The following MADD variants were observed in gnomAD, a reference collection of about 807,000 sequenced individuals.
MADD encodes MAP kinase-activating death domain protein.
In MADD, 109 loss-of-function variants were observed where a neutral mutation model predicts 176.7. That is an observed-to-expected ratio of 0.62 (90% CI 0.53 to 0.72). MADD has a LOEUF of 0.72. Ranked by LOEUF, MADD falls within the 30% of genes least tolerant of loss-of-function variation. The pLI, the probability that MADD is intolerant of heterozygous loss-of-function variation, is 0.00. For synonymous variants in MADD, 771 were observed against 771.3 expected, an observed-to-expected ratio of 1.00 and a Z score of 0.01; for missense variants, 1,914 against 2,045.5, an observed-to-expected ratio of 0.94 and a Z score of 1.24.
chr11:47,281,850 C>CATTTTTTTTT, intron 8 of MADD, 97 bp downstream of exon 8: 1 of 328,342 alleles, frequency 3.0e-6, no homozygotes, highest in Non-Finnish European at 4.6e-6. Flanking sequence ...ACCAGGGTTC[C>CATTTTTTTTT]TTTTTTTTTT....
At chr11:47,276,236 A>G (rs1324275813) in intron 4 of MADD, 34 bp downstream of exon 4, 4 of 1,551,660 alleles carry the variant, frequency 2.6e-6, no homozygotes, top group Non-Finnish European at 3.5e-6. Flanking sequence ...TTTCTAGGGG[A>G]GAAACTCTTA....
At position 47,284,920 on chromosome 11, in the gene MADD, T is replaced by C. The variant is rs770042514; in HGVS notation, c.2158-21T>C. 5 of 1,612,542 alleles carry C rather than the reference T, an allele frequency of 3.1e-6. No homozygotes were observed. The African/African-American group carries it at 6.7e-5, about 22-fold the overall frequency. ...ACCATTGGGCACCAGGTAACCACTT[T>C]TAATTTCATGCGGCCTTTAGGAACC... On this transcript the variant is annotated intron_variant, in intron 12 of 32. Coordinates refer to ENST00000402192, the Ensembl canonical transcript of MADD.
exon 4 of MADD, chr11:47,276,181 C>T (rs1211861887): frequency 6.2e-7 from 1 of 1,611,324 alleles, no homozygotes; most frequent in South Asian, 1.1e-5. Flanking sequence ...AGGTGCTAAC[C>T]TGCATTCTGT....
chr11:47,274,948 A>G, exon 3 of MADD: 1 of 1,614,004 alleles, frequency 6.2e-7, no homozygotes, highest in Non-Finnish European at 8.5e-7. Flanking sequence ...TGCTGACTCT[A>G]CCCCTGATGT....
chr11:47,327,594 C>T (rs963370885), intron 31 of MADD: 1 of 985,390 alleles, frequency 1.0e-6, no homozygotes, highest in Non-Finnish European at 1.2e-6. Flanking sequence ...TTGCCTCCCC[C>T]TTCTCACCGG....
In MADD at chr11:47,319,132, A is replaced by AT. The variant is rs1184555759; in HGVS notation, c.4197+3821dup. On this transcript the variant is annotated intron_variant, in intron 27 of 32. Coordinates refer to ENST00000402192, the Ensembl canonical transcript of MADD. ...CAAGGAAAATATATATATATATATA[A>AT]TTTTTTTTTTTTTTTTGGAGGTGGA... Among the ~76,000 whole-genome samples, 173 of 114,524 alleles carry AT rather than the reference A, an allele frequency of 1.5e-3. 2 individuals are homozygous for AT. The highest frequency in any genetic ancestry group is 8.6e-3 in the East Asian group (34 of 3,944). 75.1% of individuals were successfully genotyped at this position (114,524 alleles called of 152,430 possible).
chr11:47,274,905 C>T, exon 3 of MADD: 1 of 1,613,788 alleles, frequency 6.2e-7, no homozygotes, highest in Non-Finnish European at 8.5e-7. Flanking sequence ...GCACTGAGAG[C>T]TCAGAGAGTG....
At chr11:47,327,290 G>A in intron 31 of MADD, 1 of 990,856 alleles carries the variant, frequency 1.0e-6, no homozygotes, top group South Asian at 4.6e-5. Flanking sequence ...GAGGGACAGA[G>A]GAGTCTAGCG....
chr11:47,280,547 TAATTA>T (rs1226852549), intron 7 of MADD, among the ~76,000 whole-genome samples: 1 of 151,386 alleles, frequency 6.6e-6, no homozygotes, highest in African/African-American at 2.4e-5. Flanking sequence ...GAATTATATT[TAATTA>T]AATTAATTAA....
intron 10 of MADD, among the ~76,000 whole-genome samples, 175 bp from the exon 11 acceptor site, chr11:47,284,003 G>C (rs769667611): frequency 6.6e-6 from 1 of 152,240 alleles, no homozygotes; most frequent in Non-Finnish European, 1.5e-5. Context: ...CCACTGTCCC[G>C]GCCCCCATAT....
At chr11:47,286,390 C>A in intron 14 of MADD, 43 bp from the exon 15 acceptor site, 1 of 1,320,008 alleles carries the variant, frequency 7.6e-7, no homozygotes, top group Non-Finnish European at 1.1e-6. Flanking sequence ...GCTTTGATTA[C>A]TTACTCTGCC....
At chr11:47,292,927 G>A (rs1954811296) in intron 19 of MADD, among the ~76,000 whole-genome samples, 2 of 152,184 alleles carry the variant, frequency 1.3e-5, no homozygotes, top group South Asian at 4.1e-4. Context: ...TAGAAGGCCT[G>A]TGGGCACAGT....
rs1278047887 is a variant in MADD at position 47,309,045 on chromosome 11, A to T, written c.3752-236A>T. Reference sequence around the variant, plus strand: ...AGCTATGGAGACCTTTTCTATAAGTAACCACATTTATTTGTGTGCTGTGTT... The same window carrying T: ...AGCTATGGAGACCTTTTCTATAAGTTACCACATTTATTTGTGTGCTGTGTT... On this transcript the variant is annotated intron_variant, in intron 23 of 32. Coordinates refer to ENST00000402192, the Ensembl canonical transcript of MADD. 6.2e-7 allele frequency: 1 copy of T among 1,614,062 alleles called. No homozygotes were observed. Among genetic ancestry groups the T allele is most frequent in the East Asian group, 2.2e-5 (1 of 44,876 alleles).
rs2070615677 is a variant in MADD, at chr11:47,295,512, C to G, written c.3419C>G (p.Ser1140Cys). ...TTGTTTCAGAGGACTGATCAAGACT[C>G]TGTCATCGGCGTGAGTCCAGCTGTT... is the stretch of plus-strand genomic sequence containing the variant. Residue 1140 changes from serine (S) to cysteine (C), a missense_variant, in exon 21 of 33, where the codon TCT becomes TGT. Ser to Cys is a moderately radical substitution (Grantham distance 112). This residue lies in a region of MADD where 1,767 missense variants were observed against 1,836.0 expected (regional missense o/e 0.96). Transcript: ENST00000402192. 3 of 1,614,062 alleles carry G rather than the reference C, an allele frequency of 1.9e-6. No homozygotes were observed. The highest frequency in any genetic ancestry group is 2.2e-5 in the South Asian group (2 of 91,064).
exon 13 of MADD, chr11:47,284,957 C>T (rs567632767): frequency 2.4e-5 from 38 of 1,613,754 alleles, no homozygotes; most frequent in Admixed American, 8.3e-5. Flanking sequence ...GCTGACTCTA[C>T]GGAGATGGAT....
At chr11:47,299,849 G>A (rs2076272408) in intron 22 of MADD, among the ~76,000 whole-genome samples, 1 of 152,078 alleles carries the variant, frequency 6.6e-6, no homozygotes, top group East Asian at 1.9e-4. Flanking sequence ...GGGACAGTTT[G>A]ACTTCCTTCT....
intron 27 of MADD, among the ~76,000 whole-genome samples, chr11:47,321,216 A>C (rs886081271): frequency 6.6e-6 from 1 of 152,186 alleles, no homozygotes; most frequent in African/African-American, 2.4e-5. Flanking sequence ...GCCTGCCTTT[A>C]CATGATGTTC....
At chr11:47,297,783 TTCTTTC>T (rs1379281873) in intron 22 of MADD, among the ~76,000 whole-genome samples, 1 of 132,532 alleles carries the variant, frequency 7.5e-6, no homozygotes, top group Non-Finnish European at 1.5e-5. Context: ...TTTTCTTTCT[TTCTTTC>T]TTTTTTTTTT....
chr11:47,295,858 C>G, intron 21 of MADD, 39 bp from the exon 24 acceptor site: 3 of 1,581,312 alleles, frequency 1.9e-6, no homozygotes, highest in Non-Finnish European at 2.6e-6. Context: ...TGGGGCCCAT[C>G]CCTGGGGACT....
Sources: gnomAD v4.1 joint callset for allele counts (sites outside exome capture counted in the v4.1 genomes callset) on GRCh38, gnomAD v4.1.1 for gene constraint, gnomAD v4.1.1 regional missense constraint, MANE v1.5 for transcripts, NCBI Gene and HGNC (gene_info 2026-07-23, HGNC 2026-07-21) for gene names.